Variants in KIF27 observed in about 807,000 individuals in gnomAD.
The protein encoded by KIF27 is kinesin family member 27.
A neutral mutation model predicts 141.8 loss-of-function variants in KIF27; 84 were observed. The observed-to-expected ratio is 0.59, with a 90% confidence interval of 0.50 to 0.71. The LOEUF is 0.71. KIF27 is among the 30% of genes least tolerant of loss of function. KIF27 has a pLI of 0.00. For synonymous variants in KIF27, 471 were observed against 569.5 expected (o/e 0.83, Z 2.46); for missense variants, 1,306 against 1,628.4 (o/e 0.80, Z 3.41).
intron 5 of KIF27, among the ~76,000 whole-genome samples, chr9:83,893,159 C>T (rs1288589041): frequency 6.6e-6 from 1 of 152,182 alleles, no homozygotes; most frequent in Non-Finnish European, 1.5e-5. Flanking sequence ...ACTGCTTGAG[C>T]CCAGGAGGTC....
chr9:83,873,446 A>G (rs1039692934), intron 11 of KIF27, among the ~76,000 whole-genome samples: 1 of 152,210 alleles, frequency 6.6e-6, no homozygotes, highest in Non-Finnish European at 1.5e-5. Context: ...CAAGGTTTGA[A>G]CAGAGAGAAC....
chr9:83,848,162 G>C lies in KIF27; in HGVS notation c.3556+1937C>G, dbSNP rs1210571322. ...ATGATATATCTGATATATCATATAT[G>C]ATATATCTGATATATCATATATGAT... On this transcript the variant is annotated intron_variant, in intron 16 of 17. Transcript: ENST00000297814. 4.8e-5 allele frequency among the ~76,000 whole-genome samples: 3 copies of C among 62,504 alleles called. 1 individual carries two copies. Among genetic ancestry groups the C allele is most frequent in the Non-Finnish European group, 5.8e-5 (2 of 34,614 alleles). The allele number at this position is 62,504 out of a possible 152,430, so 41.0% of individuals were successfully genotyped here.
At chr9:83,918,434 C>A (rs910359773) in intron 1 of KIF27, among the ~76,000 whole-genome samples, 1 of 151,996 alleles carries the variant, frequency 6.6e-6, no homozygotes, top group African/African-American at 2.4e-5. Context: ...GAAAAGACAA[C>A]TCACTGAATG....
In KIF27 at chr9:83,891,471, C is replaced by A; in HGVS notation, c.1633G>T (p.Val545Leu). 2 of 1,613,400 alleles carry A rather than the reference C, an allele frequency of 1.2e-6. No homozygotes were observed. The highest frequency in any genetic ancestry group is 1.7e-6 in the Non-Finnish European group (2 of 1,179,640). Residue 545 changes from valine (V) to leucine (L), a missense_variant, in exon 6 of 18, where the codon GTG (valine) becomes TTG (leucine). By Grantham distance (32) the Val-to-Leu change is conservative (BLOSUM62 1). This residue lies in a region of KIF27 where 596 missense variants were observed against 751.6 expected (regional missense o/e 0.79). Transcript: ENST00000297814. ...GTTAGTTCTTCACTCAGTTGATCCACAAGAAGTTGTTGTTCTATTATTTTT... is the reference window on the plus strand; with the variant it reads ...GTTAGTTCTTCACTCAGTTGATCCAAAAGAAGTTGTTGTTCTATTATTTTT... ...NEKIIEQQLL[V>L]DQLSEELTKL... is the part of the protein sequence containing the mutation.
intron 13 of KIF27, 145 bp from the exon 14 acceptor site, chr9:83,859,516 G>A (rs781744162): frequency 4.7e-5 from 29 of 615,708 alleles, no homozygotes; most frequent in Non-Finnish European, 8.2e-5. Flanking sequence ...ATTTTTTTGA[G>A]GGAGGGGGTA....
intron 5 of KIF27, among the ~76,000 whole-genome samples, chr9:83,895,420 T>C (rs1433483085): frequency 2.6e-5 from 4 of 152,176 alleles, no homozygotes; most frequent in African/African-American, 4.8e-5. Flanking sequence ...AAAGGGTAAA[T>C]TAAAAATACC....
At chr9:83,851,511 C>T (rs887061751) in intron 15 of KIF27, among the ~76,000 whole-genome samples, 6 of 152,112 alleles carry the variant, frequency 3.9e-5, no homozygotes, top group African/African-American at 1.4e-4. Flanking sequence ...GCCATCATGC[C>T]TGGCTAAGTT....
chr9:83,844,529 A>G (rs1947009557), intron 16 of KIF27, among the ~76,000 whole-genome samples: 1 of 152,028 alleles, frequency 6.6e-6, no homozygotes, highest in African/African-American at 2.4e-5. Flanking sequence ...CAAAAATGCT[A>G]AGGACTCTAC....
At chr9:83,908,121 G>T (rs1954753501) in intron 3 of KIF27, among the ~76,000 whole-genome samples, 1 of 152,010 alleles carries the variant, frequency 6.6e-6, no homozygotes, top group Non-Finnish European at 1.5e-5. Context: ...AATTAGCCAG[G>T]CATGGTGGTG....
Position 83,889,232 on chromosome 9 carries a change from A to G in KIF27, c.1831T>C (p.Tyr611His). ...SRKVHTSPPMYSLDRIFAGFR... is the reference protein window; with the variant it reads ...SRKVHTSPPMHSLDRIFAGFR... ...CCAGCAAATATTCGATCCAGAGAGT[A>G]CATAGGCGGACTTGTGTGGACCTTG... Residue 611 changes from tyrosine to histidine, a missense_variant, in exon 7 of 18, where the codon TAC (tyrosine) becomes CAC (histidine). Physicochemically the swap from Tyr to His is moderately conservative, Grantham distance 83. Around this residue, in one of 4 missense-constraint regions of KIF27, gnomAD observed 596 missense variants for 751.6 expected, o/e 0.79. Coordinates refer to ENST00000297814, the MANE Select transcript of KIF27 (RefSeq NM_017576.4). 6.2e-7 allele frequency: 1 copy of G among 1,612,062 alleles called. No individual in the cohort carries two copies. Among genetic ancestry groups the G allele is most frequent in the Non-Finnish European group, 8.5e-7 (1 of 1,178,890 alleles).
At position 83,850,201 on chromosome 9, in the gene KIF27, C is replaced by G. The variant is rs775056643; in HGVS notation, c.3454G>C (p.Glu1152Gln). 3.9e-5 allele frequency: 63 copies of G among 1,612,094 alleles called. No individual in the cohort carries two copies. The highest frequency in any genetic ancestry group is 1.0e-4 in the Admixed American group (6 of 59,996). Residue 1152 changes from glutamate to glutamine, a missense_variant, in exon 16 of 18, where the codon GAA becomes CAA. Coordinates refer to ENST00000297814, the MANE Select transcript of KIF27 (RefSeq NM_017576.4). ...LERDNMVREL[E>Q]SALDHLKLQC... ...AATTTTAGATGGTCCAGTGCAGATTCTAATTCACGAACCATATTATCCCGT... is the reference window on the plus strand; with the variant it reads ...AATTTTAGATGGTCCAGTGCAGATTGTAATTCACGAACCATATTATCCCGT...
intron 2 of KIF27, among the ~76,000 whole-genome samples, chr9:83,914,583 A>T (rs1955509163): frequency 6.6e-6 from 1 of 152,178 alleles, no homozygotes; most frequent in Admixed American, 6.5e-5. Context: ...AAATAGAAAA[A>T]TATTGAGAGC....
chr9:83,911,313 C>A (rs1459909192), intron 2 of KIF27, among the ~76,000 whole-genome samples: 1 of 152,210 alleles, frequency 6.6e-6, no homozygotes, highest in Non-Finnish European at 1.5e-5. Flanking sequence ...TCACTGCAAC[C>A]TCCACCTCCT....
Position 83,837,217 on chromosome 9 carries a change from A to G in KIF27, c.3990T>C (p.Phe1330=), listed in dbSNP as rs1009452017. Residue 1330 remains phenylalanine (F), a synonymous_variant, in exon 18 of 18, where the codon TTT becomes TTC. Coordinates refer to ENST00000297814, the MANE Select transcript of KIF27 (RefSeq NM_017576.4). ...ATGACAGTCGACTGTGAGATTTTGT[A>G]AACTGATTATCATCTGTTTCTGTTT... ...ENKTETDDNQ[F]TKSHSRLSSQ... is the part of the protein sequence containing the mutation. The G allele has an allele frequency of 5.6e-6, 9 of 1,613,740 alleles. No homozygotes were observed. Among genetic ancestry groups the G allele is most frequent in the Non-Finnish European group, 6.8e-6 (8 of 1,179,614 alleles).
intron 5 of KIF27, 150 bp from the exon 6 acceptor site, chr9:83,891,651 C>T (rs1588197053): frequency 2.6e-6 from 2 of 773,778 alleles, no homozygotes; most frequent in Admixed American, 2.9e-5. Flanking sequence ...CTCTGGTGTT[C>T]ACAAGTAACT....
intron 2 of KIF27, among the ~76,000 whole-genome samples, chr9:83,914,817 C>A (rs772649764): frequency 6.6e-6 from 1 of 152,048 alleles, no homozygotes; most frequent in Non-Finnish European, 1.5e-5. Context: ...TTCCAAACTA[C>A]AATTATAAGC....
chr9:83,921,085 G>A (rs757163239), intron 1 of KIF27, among the ~76,000 whole-genome samples: 2 of 152,142 alleles, frequency 1.3e-5, no homozygotes, highest in Admixed American at 6.5e-5. Flanking sequence ...CCGCTCCTCA[G>A]GGCTGACCCA....
At chr9:83,896,239 G>A (rs562753446) in intron 5 of KIF27, among the ~76,000 whole-genome samples, 23 of 152,086 alleles carry the variant, frequency 1.5e-4, no homozygotes, top group Admixed American at 1.2e-3. Context: ...GTGAGACTCC[G>A]TCTCAAAAAC....
intron 9 of KIF27, among the ~76,000 whole-genome samples, chr9:83,885,779 G>A (rs549637538): frequency 4.6e-5 from 7 of 152,234 alleles, no homozygotes; most frequent in African/African-American, 1.7e-4. Flanking sequence ...CTACAGGCGT[G>A]TGTCACCATG....
Sources: allele counts gnomAD v4.1 joint callset (sites outside exome capture counted in the v4.1 genomes callset), GRCh38; gene constraint gnomAD v4.1.1; regional missense constraint gnomAD v4.1.1; transcripts MANE v1.5; gene names NCBI Gene and HGNC (gene_info 2026-07-23, HGNC 2026-07-21).